The following TMEM132D variants were observed in gnomAD, a reference collection of about 807,000 sequenced individuals.
TMEM132D encodes mature OL transmembrane protein.
Under a neutral mutation model 62.3 loss-of-function variants are expected in TMEM132D, and 21 were observed. That is an observed-to-expected ratio of 0.34 (90% CI 0.24 to 0.49). The LOEUF (loss-of-function observed/expected upper bound fraction) is 0.49, where lower values mean the gene tolerates loss of function less well. TMEM132D is among the 20% of genes least tolerant of loss of function. TMEM132D has a pLI of 0.99. For synonymous variants in TMEM132D, 621 were observed against 575.6 expected (o/e 1.08, Z -1.13); for missense variants, 1,346 against 1,402.8 (o/e 0.96, Z 0.65).
chr12:129,388,121 CTGA>C, intron 3 of TMEM132D, among the ~76,000 whole-genome samples: 1 of 132,808 alleles, frequency 7.5e-6, no homozygotes, highest in Non-Finnish European at 1.7e-5. Context: ...CAATCCAGCA[CTGA>C]TGATAATATG....
chr12:129,740,658 C>T (rs1869573165), intron 1 of TMEM132D, among the ~76,000 whole-genome samples: 1 of 152,094 alleles, frequency 6.6e-6, no homozygotes, highest in Non-Finnish European at 1.5e-5. Flanking sequence ...ACATACCCAA[C>T]ATTACAAAGC....
chr12:129,219,487 C>T (rs767696044), intron 4 of TMEM132D, among the ~76,000 whole-genome samples: 4 of 152,232 alleles, frequency 2.6e-5, no homozygotes, highest in African/African-American at 7.2e-5. Flanking sequence ...CCAGCACGAA[C>T]GAGGGCCAAG....
chr12:129,247,722 A>AG (rs961848853), intron 4 of TMEM132D, among the ~76,000 whole-genome samples: 4 of 152,222 alleles, frequency 2.6e-5, no homozygotes, highest in Admixed American at 2.6e-4. Flanking sequence ...TAATGTTAAT[A>AG]GGGGGGTGCC....
rs112884659 is a variant in TMEM132D at position 129,334,048 on chromosome 12, G to A, written c.1299+3586C>T. Among the ~76,000 whole-genome samples, 42 of 152,226 alleles carry A rather than the reference G, an allele frequency of 2.8e-4. 2 individuals are homozygous for A. The highest frequency in any genetic ancestry group is 9.9e-4 in the African/African-American group (41 of 41,536). ...AGGCAGGAGAATCGCTTGAACCTGG[G>A]GGGCAGAGGTTGCAATGAGCTGAGA... is the stretch of plus-strand genomic sequence containing the variant. On this transcript the variant is annotated intron_variant, in intron 4 of 8. Transcript: ENST00000422113.
intron 4 of TMEM132D, among the ~76,000 whole-genome samples, chr12:129,250,881 G>C (rs1266605675): frequency 6.6e-6 from 1 of 152,214 alleles, no homozygotes; most frequent in Non-Finnish European, 1.5e-5. Flanking sequence ...TCCTTGTGCA[G>C]AGGAATAATG....
intron 3 of TMEM132D, among the ~76,000 whole-genome samples, chr12:129,359,255 G>C (rs1180890575): frequency 6.6e-6 from 1 of 152,048 alleles, no homozygotes; most frequent in Non-Finnish European, 1.5e-5. Flanking sequence ...TATTTAGAGG[G>C]GCTGGGCCGG....
At chr12:129,170,507 T>C (rs906774662) in intron 5 of TMEM132D, among the ~76,000 whole-genome samples, 1 of 152,104 alleles carries the variant, frequency 6.6e-6, no homozygotes, top group African/African-American at 2.4e-5. Flanking sequence ...GTCTAGAAAA[T>C]AACACTCATG....
intron 1 of TMEM132D, among the ~76,000 whole-genome samples, chr12:129,742,319 G>A (rs1405500128): frequency 6.6e-6 from 1 of 152,160 alleles, no homozygotes; most frequent in Non-Finnish European, 1.5e-5. Flanking sequence ...GCCTCAGGAA[G>A]CTCTTCCTCA....
At chr12:129,377,373 T>G (rs1478428874) in intron 3 of TMEM132D, among the ~76,000 whole-genome samples, 1 of 152,164 alleles carries the variant, frequency 6.6e-6, no homozygotes, top group Non-Finnish European at 1.5e-5. Flanking sequence ...TACAGAAGGC[T>G]TCTTTGGGGT....
At chr12:129,551,620 C>A (rs1326786667) in intron 2 of TMEM132D, among the ~76,000 whole-genome samples, 1 of 152,140 alleles carries the variant, frequency 6.6e-6, no homozygotes, top group African/African-American at 2.4e-5. Flanking sequence ...TTGGGGCTGC[C>A]ACCTTTAAAC....
intron 1 of TMEM132D, among the ~76,000 whole-genome samples, chr12:129,797,381 A>G (rs974350250): frequency 6.6e-6 from 1 of 152,222 alleles, no homozygotes; most frequent in Non-Finnish European, 1.5e-5. Flanking sequence ...ACGATACAAC[A>G]TATGCCATGT....
chr12:129,123,900 C>A (rs1434926222), intron 5 of TMEM132D, among the ~76,000 whole-genome samples: 1 of 152,200 alleles, frequency 6.6e-6, no homozygotes, highest in East Asian at 1.9e-4. Flanking sequence ...ACACCTTCAG[C>A]TTCCCTGTTC....
chr12:129,457,425 C>T (rs1023041682), intron 3 of TMEM132D, among the ~76,000 whole-genome samples: 8 of 127,706 alleles, frequency 6.3e-5, no homozygotes, highest in Admixed American at 1.7e-4. Context: ...GAACATCACA[C>T]ACCGGGGCCT....
intron 1 of TMEM132D, among the ~76,000 whole-genome samples, chr12:129,751,707 A>T (rs749440976): frequency 6.6e-6 from 1 of 152,226 alleles, no homozygotes; most frequent in African/African-American, 2.4e-5. Context: ...TTTTTGGTGC[A>T]TTAAACATGG....
intron 5 of TMEM132D, among the ~76,000 whole-genome samples, chr12:129,163,579 G>C (rs981089474): frequency 2.6e-5 from 4 of 152,210 alleles, no homozygotes; most frequent in African/African-American, 9.6e-5. Flanking sequence ...GCTGGGCAGT[G>C]GTGGGTGCCT....
At chr12:129,612,462 A>G (rs1479832876) in intron 2 of TMEM132D, among the ~76,000 whole-genome samples, 1 of 152,142 alleles carries the variant, frequency 6.6e-6, no homozygotes, top group African/African-American at 2.4e-5. Context: ...AAAATAAAAA[A>G]TCCTGTTAAA....
rs181141155 is a variant in TMEM132D, at chr12:129,434,839, T to C, written c.1115+96220A>G. Among the ~76,000 whole-genome samples the C allele has an allele frequency of 1.8e-4, 27 of 152,290 alleles. No homozygotes were observed. The East Asian group carries it at 4.1e-3, about 23-fold the overall frequency. On this transcript the variant is annotated intron_variant, in intron 3 of 8. Transcript: ENST00000422113. ...TGAGAACATTCAAAACCTTCTCTTC[T>C]AGCTATTTTGAAATATACACTACAC...
intron 2 of TMEM132D, among the ~76,000 whole-genome samples, chr12:129,568,252 CT>C (rs902316243): frequency 6.6e-6 from 1 of 152,220 alleles, no homozygotes; most frequent in Non-Finnish European, 1.5e-5. Context: ...CAGGCATTCC[CT>C]TGGCTAGTAA....
At chr12:129,897,560 G>A (rs906359062) in intron 1 of TMEM132D, among the ~76,000 whole-genome samples, 1 of 151,750 alleles carries the variant, frequency 6.6e-6, no homozygotes, top group South Asian at 2.1e-4. Context: ...GGGGGAGGAG[G>A]AAAATAAAAA....
Sources: gnomAD v4.1 joint callset for allele counts (sites outside exome capture counted in the v4.1 genomes callset) on GRCh38, gnomAD v4.1.1 for gene constraint, MANE v1.5 for transcripts, NCBI Gene and HGNC (gene_info 2026-07-23, HGNC 2026-07-21) for gene names.